MBOAT7: variants seen among roughly 807,000 people sequenced by gnomAD.
MBOAT7 encodes membrane-bound acylglycerophosphatidylinositol O-acyltransferase MBOAT7.
Under a neutral mutation model 47.4 loss-of-function variants are expected in MBOAT7, and 40 were observed. The observed-to-expected ratio is 0.84, with a 90% CI of 0.66 to 1.10. The LOEUF (loss-of-function observed/expected upper bound fraction) is 1.10, where lower values mean the gene tolerates loss of function less well. MBOAT7 is among the 50% of genes least tolerant of loss of function. The pLI is 0.00. For missense variants in MBOAT7, 680 were observed against 655.6 expected, an observed-to-expected ratio of 1.04 and a Z score of -0.41; for synonymous variants, 361 against 292.0, an observed-to-expected ratio of 1.24 and a Z score of -2.41.
chr19:54,178,730 T>C (rs1401952023), intron 7 of MBOAT7, 35 bp downstream of exon 7: 1 of 1,607,844 alleles, frequency 6.2e-7, no homozygotes, highest in Non-Finnish European at 8.5e-7. Context: ...GATGTAGTTC[T>C]GCAGTGTCAC....
chr19:54,176,477 GA>G (rs1401188104), intron 7 of MBOAT7, among the ~76,000 whole-genome samples: 1 of 152,124 alleles, frequency 6.6e-6, no homozygotes, highest in Non-Finnish European at 1.5e-5. Context: ...AGGATTGCTT[GA>G]ACCTGGGAGG....
chr19:54,178,733 AGT>A lies in MBOAT7; in HGVS notation c.1031+30_1031+31del, dbSNP rs763939614. The A allele has an allele frequency of 5.6e-5, 90 of 1,608,536 alleles. 1 individual carries two copies. The East Asian group carries it at 8.3e-4, about 15-fold the overall frequency. The stretch of plus-strand genomic sequence containing the variant: ...GGCCTGCTGGGAGATGTAGTTCTGC[AGT>A]GTCACCTGAGACTGGGCGGGCTCAC... On this transcript the variant is annotated intron_variant, in intron 7 of 7. Coordinates refer to ENST00000245615, the MANE Select transcript of MBOAT7 (RefSeq NM_024298.5).
chr19:54,177,003 C>T lies in MBOAT7; in HGVS notation c.1031+1762G>A, dbSNP rs184143978. ...TTGGGAGGCCGAGGCACGCGGATCA[C>T]TTGAGGCCAAGAGTTCGAGACCAGC... is the stretch of plus-strand genomic sequence containing the variant. On this transcript the variant is annotated intron_variant, in intron 7 of 7. Transcript: ENST00000245615. Among the ~76,000 whole-genome samples, 118 of 152,174 alleles carry T rather than the reference C, an allele frequency of 7.8e-4. 3 individuals carry two copies. The East Asian group carries it at 0.022, about 28-fold the overall frequency.
chr19:54,187,745 C>T (rs2076470192), intron 3 of MBOAT7, among the ~76,000 whole-genome samples: 1 of 152,144 alleles, frequency 6.6e-6, no homozygotes, highest in African/African-American at 2.4e-5. Flanking sequence ...AGGCCGGATG[C>T]GGTGGCTCAC....
intron 7 of MBOAT7, 30 bp from the exon 8 acceptor site, chr19:54,174,461 C>G (rs369757085): frequency 4.7e-6 from 7 of 1,496,848 alleles, no homozygotes; most frequent in Non-Finnish European, 6.2e-6. Context: ...TCAGGACCTA[C>G]GAGTCCAGGT....
At chr19:54,174,486 G>A in intron 7 of MBOAT7, 55 bp from the exon 8 acceptor site, 1 of 1,460,068 alleles carries the variant, frequency 6.8e-7, no homozygotes, top group Non-Finnish European at 9.0e-7. Context: ...AGTGCCCACT[G>A]CCCCCAGATC....
Position 54,180,879 on chromosome 19 carries a change from T to G in MBOAT7, c.748A>C (p.Ile250Leu). 6.3e-7 allele frequency: 1 copy of G among 1,594,086 alleles called. No individual in the cohort carries two copies. The highest frequency in any genetic ancestry group is 8.5e-7 in the Non-Finnish European group (1 of 1,172,562). The change falls in exon 6 of 8, where the codon ATT becomes CTT. Residue 250 changes from isoleucine (I) to leucine (L), a missense_variant. Transcript: ENST00000245615. The surrounding 1 kb of genome is among the most constrained non-coding windows in gnomAD (Gnocchi z 5.2). ...GCAATGCAGCCGCACTCGGCGGCAA[T>G]CCAGGCCACGTAGAAGCGCATGCGG... Reference protein sequence around the residue: ...AFRMRFYVAWIAAECGCIAAG... With the variant: ...AFRMRFYVAWLAAECGCIAAG...
chr19:54,174,983 T>TC (rs1471084761), intron 7 of MBOAT7, among the ~76,000 whole-genome samples: 2 of 150,892 alleles, frequency 1.3e-5, no homozygotes, highest in Admixed American at 6.6e-5. Context: ...TGGTTTTTTT[T>TC]TTTTTTTTTT....
Position 54,180,945 on chromosome 19 carries a change from G to A in MBOAT7, c.682C>T (p.Pro228Ser). 3 of 1,586,076 alleles carry A rather than the reference G, an allele frequency of 1.9e-6. No homozygotes were observed. Among genetic ancestry groups the A allele is most frequent in the Non-Finnish European group, 2.6e-6 (3 of 1,168,412 alleles). ...GGGATCATGTAGAAGAGGCGGGCGG[G>A]CAGCGGGCGGGCGTAGAAGGCGTCC... is the stretch of plus-strand genomic sequence containing the variant. ...REDAFYARPLPARLFYMIPVF... is the reference protein window; with the variant it reads ...REDAFYARPLSARLFYMIPVF... Residue 228 changes from proline (P) to serine (S), a missense_variant, in exon 6 of 8, where the codon CCC becomes TCC. Pro to Ser is a moderately conservative substitution (Grantham distance 74). Coordinates refer to ENST00000245615, the MANE Select transcript of MBOAT7 (RefSeq NM_024298.5). This position sits in a 1 kb window ranked among gnomAD's most constrained non-coding sequence, Gnocchi z 5.2.
intron 7 of MBOAT7, among the ~76,000 whole-genome samples, chr19:54,175,159 T>C (rs529337682): frequency 5.3e-5 from 8 of 152,152 alleles, no homozygotes; most frequent in South Asian, 4.1e-4. Flanking sequence ...TTTCTATTTT[T>C]AGTAGAGACG....
intron 7 of MBOAT7, among the ~76,000 whole-genome samples, chr19:54,175,043 T>C (rs1372084438): frequency 1.3e-5 from 2 of 150,202 alleles, no homozygotes; most frequent in East Asian, 2.0e-4. Context: ...TGGCGCGATC[T>C]TGGCTCACTG....
intron 7 of MBOAT7, among the ~76,000 whole-genome samples, chr19:54,176,144 C>T (rs569229647): frequency 1.2e-4 from 18 of 152,138 alleles, no homozygotes; most frequent in Admixed American, 4.6e-4. Context: ...TCTGAGCCAC[C>T]GCGCCCAGCC....
At chr19:54,183,730 C>T in intron 4 of MBOAT7, 50 bp from the exon 5 acceptor site, 2 of 1,481,366 alleles carry the variant, frequency 1.4e-6, no homozygotes, top group East Asian at 2.5e-5. Context: ...TGGGCCCTTC[C>T]CCACACCCAT....
chr19:54,187,700 G>A (rs2076468707), intron 3 of MBOAT7, among the ~76,000 whole-genome samples: 1 of 152,212 alleles, frequency 6.6e-6, no homozygotes, highest in African/African-American at 2.4e-5. Flanking sequence ...ACAGGGACCA[G>A]ACGCAGAAGG....
chr19:54,184,569 T>C (rs1358441889), intron 4 of MBOAT7, among the ~76,000 whole-genome samples: 5 of 151,976 alleles, frequency 3.3e-5, no homozygotes, highest in Middle Eastern at 3.2e-3. Flanking sequence ...TCACCCTTGA[T>C]AGATCATTTC....
chr19:54,175,973 G>A (rs547444353), intron 7 of MBOAT7, among the ~76,000 whole-genome samples: 98 of 151,888 alleles, frequency 6.5e-4, no homozygotes, highest in African/African-American at 2.1e-3. Context: ...TCCACCCGCC[G>A]TGGCCTACCA....
At position 54,188,261 on chromosome 19, in the gene MBOAT7, C is replaced by T. The variant is rs377313381; in HGVS notation, c.162G>A (p.Leu54=). Residue 54 remains leucine, a synonymous_variant, in exon 3 of 8, where the codon CTG becomes CTA. Coordinates refer to ENST00000245615, the MANE Select transcript of MBOAT7 (RefSeq NM_024298.5). ...GGGCCCAGGTCCCGAGGATGGTGAC[C>T]AGAGAATGCAAAGTGTGGGGGCCAC... The part of the protein sequence containing the change: ...FTCGPHTLHS[L]VTILGTWALI... 42 of 1,613,780 alleles carry T rather than the reference C, an allele frequency of 2.6e-5. No individual in the cohort carries two copies. Among genetic ancestry groups the T allele is most frequent in the Non-Finnish European group, 3.3e-5 (39 of 1,179,940 alleles).
chr19:54,178,666 C>A, intron 7 of MBOAT7, 99 bp downstream of exon 7: 1 of 1,507,872 alleles, frequency 6.6e-7, no homozygotes, highest in Non-Finnish European at 8.9e-7. Flanking sequence ...CATGAGCCTC[C>A]GGGGGCAGGG....
chr19:54,179,176 T>C (rs2076199941), intron 6 of MBOAT7: 1 of 590,380 alleles, frequency 1.7e-6, no homozygotes, highest in Non-Finnish European at 3.0e-6. Flanking sequence ...TCTTCTTCTT[T>C]TGGTACCTAA....
Sources: gnomAD v4.1 joint callset for allele counts (sites outside exome capture counted in the v4.1 genomes callset) on GRCh38, gnomAD v4.1.1 for gene constraint, Gnocchi (gnomAD v3.1) non-coding constraint, MANE v1.5 for transcripts, NCBI Gene and HGNC (gene_info 2026-07-23, HGNC 2026-07-21) for gene names.